Variants in TMEM91 observed in about 807,000 individuals in gnomAD.
TMEM91 encodes transmembrane protein 91.
In TMEM91, 6 loss-of-function variants were observed where a neutral mutation model predicts 13.3. That is an observed-to-expected ratio of 0.45 (90% CI 0.25 to 0.89). The LOEUF is 0.89. Among genes scored for constraint, TMEM91 ranks in the 40% least tolerant of loss-of-function variants. TMEM91 has a pLI of 0.19. For missense variants in TMEM91, 193 were observed against 228.7 expected, an observed-to-expected ratio of 0.84 and a Z score of 1.01; for synonymous variants, 87 against 101.7, an observed-to-expected ratio of 0.86 and a Z score of 0.87.
chr19:41,365,671 C>T (rs561974398), intron 1 of TMEM91, among the ~76,000 whole-genome samples: 188 of 147,564 alleles, frequency 1.3e-3, no homozygotes, highest in Non-Finnish European at 2.1e-3. Flanking sequence ...TCCCAAAGTG[C>T]TGGGATTACA....
chr19:41,371,311 C>CTCCTCTCCT (rs1555758457), intron 1 of TMEM91, among the ~76,000 whole-genome samples: 3 of 111,914 alleles, frequency 2.7e-5, no homozygotes, highest in Admixed American at 9.4e-5. Context: ...CCACTATCCT[C>CTCCTCTCCT]TCCTTCCTTC....
rs1237000959 is a variant in TMEM91 at position 41,383,975 on chromosome 19, G to A, written c.*102G>A. 20 of 1,508,702 alleles carry A rather than the reference G, an allele frequency of 1.3e-5. No homozygotes were observed. The highest frequency in any genetic ancestry group is 2.9e-5 in the African/African-American group (2 of 69,342). 93.5% of individuals were successfully genotyped at this position (1,508,702 alleles called of 1,614,324 possible). On this transcript the variant is annotated 3_prime_UTR_variant, in exon 4 of 4. Coordinates refer to ENST00000392002, the MANE Select transcript of TMEM91 (RefSeq NM_001098821.2). Reference sequence around the variant, plus strand: ...GTGGATGAGGCTGCGGCGGCGGCAGGAGCATCTAGAAACGGGAGCGAGCTG... The same window carrying A: ...GTGGATGAGGCTGCGGCGGCGGCAGAAGCATCTAGAAACGGGAGCGAGCTG...
At chr19:41,383,693 C>A in intron 3 of TMEM91, 22 bp from the exon 4 acceptor site, 1 of 1,613,570 alleles carries the variant, frequency 6.2e-7, no homozygotes. Context: ...GCCTGGGTCA[C>A]TGCTGCCCAC....
Position 41,382,755 on chromosome 19 carries a change from C to A in TMEM91, c.211-17C>A, listed in dbSNP as rs1260199318. The A allele has an allele frequency of 6.2e-7, 1 of 1,610,018 alleles. No homozygotes were observed. The highest frequency in any genetic ancestry group is 2.2e-5 in the East Asian group (1 of 44,866). ...AGGTGGATGGAGATGCCCACCTGGG[C>A]ACTTTCCTGTCCGTAGGACATGTCA... is the stretch of plus-strand genomic sequence containing the variant. On this transcript the variant is annotated splice_polypyrimidine_tract_variant and intron_variant, in intron 2 of 3. Transcript: ENST00000392002.
At chr19:41,371,358 CTTCCTTCCTTCT>C (rs1394682390) in intron 1 of TMEM91, among the ~76,000 whole-genome samples, 32 of 146,524 alleles carry the variant, frequency 2.2e-4, no homozygotes, top group South Asian at 4.3e-4. Context: ...TCCTTCCTTC[CTTCCTTCCTTCT>C]TTCCTTCCTT....
At chr19:41,367,679 G>C (rs2038550188) in intron 1 of TMEM91, among the ~76,000 whole-genome samples, 1 of 152,198 alleles carries the variant, frequency 6.6e-6, no homozygotes, top group South Asian at 2.1e-4. Context: ...TGTTACCCAG[G>C]CTGGAGTGCA....
chr19:41,380,735 CCA>C (rs1039303739), intron 2 of TMEM91, among the ~76,000 whole-genome samples: 17 of 151,980 alleles, frequency 1.1e-4, no homozygotes, highest in Admixed American at 1.1e-3. Context: ...ATGGTGAAAC[CCA>C]GTTTCTACTA....
chr19:41,368,508 C>T (rs978645235), intron 1 of TMEM91, among the ~76,000 whole-genome samples: 1 of 151,742 alleles, frequency 6.6e-6, no homozygotes, highest in Non-Finnish European at 1.5e-5. Context: ...CTCCCAGGCT[C>T]AAGCAATTCT....
chr19:41,376,158 TAGC>T (rs1359138177), upstream of TMEM91: 3 of 98,966 alleles, frequency 3.0e-5, no homozygotes, highest in Non-Finnish European at 6.1e-5. Flanking sequence ...CAAAGTAAAA[TAGC>T]AGCGACAACA....
At chr19:41,378,610 G>C in intron 2 of TMEM91, 91 bp downstream of exon 2, 1 of 1,360,102 alleles carries the variant, frequency 7.4e-7, no homozygotes, top group Non-Finnish European at 1.0e-6. Flanking sequence ...CAGCTGTGCC[G>C]ATCTGCCTTA....
upstream of TMEM91, among the ~76,000 whole-genome samples, chr19:41,374,847 A>G (rs2038680438): frequency 6.6e-6 from 1 of 152,138 alleles, no homozygotes; most frequent in Admixed American, 6.5e-5. Context: ...GCCAGGTGTG[A>G]TGGCGCATTC....
Position 41,378,433 on chromosome 19 carries a change from G to A in TMEM91, c.124G>A (p.Glu42Lys), listed in dbSNP as rs778290862. The change falls in exon 2 of 4, where the codon GAG (glutamate) becomes AAG (lysine). Residue 42 changes from glutamate (E) to lysine (K), a missense_variant. Glu to Lys is a moderately conservative substitution (Grantham distance 56, BLOSUM62 1). Coordinates refer to ENST00000392002, the MANE Select transcript of TMEM91 (RefSeq NM_001098821.2). ...GSPLREIAFA[E>K]SLRGLQFLSP... ...CCCCTTAAGAGAGATAGCCTTTGCC[G>A]AGTCCCTGAGGGGTTTGCAGTTCCT... 16 of 1,614,042 alleles carry A rather than the reference G, an allele frequency of 9.9e-6. No homozygotes were observed. The highest frequency in any genetic ancestry group is 2.2e-5 in the East Asian group (1 of 44,892).
chr19:41,380,492 G>T (rs1466353593), intron 2 of TMEM91, among the ~76,000 whole-genome samples: 2 of 152,122 alleles, frequency 1.3e-5, no homozygotes, highest in Non-Finnish European at 2.9e-5. Context: ...AAAGCATGTG[G>T]GGCCGGGCGC....
At chr19:41,378,863 G>A (rs1462839257) in intron 2 of TMEM91, among the ~76,000 whole-genome samples, 1 of 150,186 alleles carries the variant, frequency 6.7e-6, no homozygotes, top group Non-Finnish European at 1.5e-5. Context: ...ACAGGGTCTC[G>A]CTCTGTTGCC....
At chr19:41,366,249 G>A (rs1387777583) in intron 1 of TMEM91, among the ~76,000 whole-genome samples, 3 of 151,736 alleles carry the variant, frequency 2.0e-5, no homozygotes, top group Admixed American at 6.6e-5. Context: ...TTCAGCTCTT[G>A]GGGCCCCTGG....
chr19:41,375,730 T>A (rs1324984671), upstream of TMEM91, among the ~76,000 whole-genome samples: 1 of 151,664 alleles, frequency 6.6e-6, no homozygotes, highest in Non-Finnish European at 1.5e-5. Context: ...GAGGCTGCAG[T>A]GAACCCAGGA....
chr19:41,372,568 T>G (rs893522622), upstream of TMEM91, among the ~76,000 whole-genome samples: 1 of 152,298 alleles, frequency 6.6e-6, no homozygotes, highest in Admixed American at 6.5e-5. Context: ...TTTTGAAGGT[T>G]ATAGGCGACC....
intron 2 of TMEM91, among the ~76,000 whole-genome samples, chr19:41,381,358 A>ATT (rs34434786): frequency 8.9e-5 from 10 of 112,816 alleles, no homozygotes; most frequent in African/African-American, 2.0e-4. Flanking sequence ...TGCCTAGCTA[A>ATT]TTTTTTTTTT....
intron 1 of TMEM91, among the ~76,000 whole-genome samples, chr19:41,368,799 T>G (rs899881223): frequency 6.6e-6 from 1 of 151,900 alleles, no homozygotes; most frequent in East Asian, 2.0e-4. Context: ...GTATGGCTAG[T>G]TTTTGTAATT....
Sources: gnomAD v4.1 joint callset for allele counts (sites outside exome capture counted in the v4.1 genomes callset) on GRCh38, gnomAD v4.1.1 for gene constraint, MANE v1.5 for transcripts, NCBI Gene and HGNC (gene_info 2026-07-23, HGNC 2026-07-21) for gene names.